DHCR7: variants seen among roughly 807,000 people sequenced by gnomAD.
DHCR7 encodes 7-DHC reductase.
DHCR7 carries 40 observed loss-of-function variants against 43.3 expected under a neutral mutation model. That is an observed-to-expected ratio of 0.92 (90% CI 0.72 to 1.20). DHCR7 has a LOEUF of 1.20. DHCR7 is among the 50% of genes most tolerant of loss of function. The pLI is 0.00. For synonymous variants in DHCR7, 298 were observed against 271.4 expected (o/e 1.10, Z -0.96); for missense variants, 608 against 644.6 (o/e 0.94, Z 0.62).
intron 8 of DHCR7, among the ~76,000 whole-genome samples, chr11:71,436,536 A>G (rs1429243359): frequency 6.6e-6 from 1 of 152,068 alleles, no homozygotes; most frequent in East Asian, 1.9e-4. Context: ...GGTGGCATGC[A>G]CCTGTAATCC....
intron 7 of DHCR7, among the ~76,000 whole-genome samples, chr11:71,438,298 C>T (rs1176829702): frequency 6.6e-6 from 1 of 152,210 alleles, no homozygotes; most frequent in East Asian, 1.9e-4. Context: ...GCCTCCCTCA[C>T]CCTCTCGGGT....
At chr11:71,428,874 C>G (rs754946290) in intron 2 of DHCR7, 5 of 456,134 alleles carry the variant, frequency 1.1e-5, no homozygotes, top group African/African-American at 1.0e-4. Flanking sequence ...GTCAAGAATT[C>G]TTTCTCAAGA....
chr11:71,444,820 T>C (rs1409092111), intron 3 of DHCR7, 35 bp downstream of exon 3: 2 of 1,582,632 alleles, frequency 1.3e-6, no homozygotes, highest in Non-Finnish European at 1.7e-6. Context: ...GACCACACTT[T>C]ACTTTCTAGC....
chr11:71,435,153 G>T lies in DHCR7; in HGVS notation c.*222C>A, dbSNP rs1183689879. On this transcript the variant is annotated 3_prime_UTR_variant, in exon 9 of 9. Coordinates refer to ENST00000355527, the MANE Select transcript of DHCR7 (RefSeq NM_001360.3). ...GACACTGATTAGAGAAAATCCGTCT[G>T]TGCTGGCAATACGGCAGTGCTGGAC... 1.4e-6 allele frequency: 1 copy of T among 695,012 alleles called. No individual in the cohort carries two copies. Among genetic ancestry groups the T allele is most frequent in the Non-Finnish European group, 2.6e-6 (1 of 381,256 alleles). 43.1% of individuals were successfully genotyped at this position (695,012 alleles called of 1,614,324 possible).
chr11:71,435,916 G>A (rs529912535), intron 8 of DHCR7, 77 bp from the exon 9 acceptor site: 18 of 1,254,710 alleles, frequency 1.4e-5, no homozygotes, highest in Admixed American at 5.9e-5. Flanking sequence ...GGGGCCCAGC[G>A]GCCTGGGGTC....
At chr11:71,444,518 G>A (rs530718382) in intron 3 of DHCR7, among the ~76,000 whole-genome samples, 4 of 152,236 alleles carry the variant, frequency 2.6e-5, no homozygotes, top group South Asian at 4.2e-4. Flanking sequence ...GTTCCAGGTC[G>A]GAGAGGATAC....
chr11:71,433,200 T>C (rs1363090424), downstream of DHCR7, among the ~76,000 whole-genome samples: 1 of 152,232 alleles, frequency 6.6e-6, no homozygotes, highest in Non-Finnish European at 1.5e-5. Flanking sequence ...TTCCCAGGGA[T>C]CAGGCACTGT....
downstream of DHCR7, among the ~76,000 whole-genome samples, chr11:71,431,544 G>A (rs540415707): frequency 7.9e-5 from 12 of 152,252 alleles, no homozygotes; most frequent in East Asian, 2.3e-3. Flanking sequence ...TGGCACCAGT[G>A]CCTGCGTGGA....
At position 71,437,956 on chromosome 11, in the gene DHCR7, A is replaced by T. The variant is rs746276946; in HGVS notation, c.832-13T>A. On this transcript the variant is annotated splice_polypyrimidine_tract_variant and intron_variant, in intron 7 of 8. Transcript: ENST00000355527. ...TCACGTAGATGGCCTGCAAGACAGA[A>T]GCAGCCGCTGACCACCCCCGGCCCT... is the stretch of plus-strand genomic sequence containing the variant. 3 of 1,611,894 alleles carry T rather than the reference A, an allele frequency of 1.9e-6. No individual in the cohort carries two copies. The highest frequency in any genetic ancestry group is 1.7e-5 in the Admixed American group (1 of 60,028).
chr11:71,428,882 A>G (rs1471090032), intron 2 of DHCR7: 3 of 456,124 alleles, frequency 6.6e-6, no homozygotes, highest in African/African-American at 4.0e-5. Context: ...TTCTTTCTCA[A>G]GACAGAGTGG....
chr11:71,432,758 T>C (rs1173512311), downstream of DHCR7, among the ~76,000 whole-genome samples: 1 of 152,204 alleles, frequency 6.6e-6, no homozygotes. Flanking sequence ...GTTCTGTCAT[T>C]TGGGGTGAGT....
chr11:71,444,115 C>T lies in DHCR7; in HGVS notation c.199G>A (p.Ala67Thr), dbSNP rs143999854. The T allele has an allele frequency of 1.1e-3, 1,801 of 1,612,152 alleles. 2 individuals carry two copies. The highest frequency in any genetic ancestry group is 1.4e-3 in the Non-Finnish European group (1,641 of 1,179,276). The change falls in exon 4 of 9, where the codon GCC (alanine) becomes ACC (threonine). Residue 67 changes from alanine (A) to threonine (T), a missense_variant. Physicochemically the swap from Ala to Thr is moderately conservative, Grantham distance 58 (BLOSUM62 0). Transcript: ENST00000355527. ...ATGTCCACCACAGGGCCAGTCAGGGCGCAGCTGTACTGGTCACAAGCCATG... is the reference window on the plus strand; with the variant it reads ...ATGTCCACCACAGGGCCAGTCAGGGTGCAGCTGTACTGGTCACAAGCCATG... ...FIMACDQYSC[A>T]LTGPVVDIVT...
chr11:71,439,767 G>T (rs1012111697), intron 6 of DHCR7, among the ~76,000 whole-genome samples: 1 of 152,182 alleles, frequency 6.6e-6, no homozygotes, highest in Non-Finnish European at 1.5e-5. Context: ...GTTCCCTCAG[G>T]TAGGGTAAGT....
rs200157761 is a variant in DHCR7 at position 71,437,818 on chromosome 11, C to A, written c.957G>T (p.Thr319=). ...GCTCTGCCCACCTCCTCACCTGCAG[C>A]GTGTAAAGATAAGGCAGCCAGACAC... ...GDCVWLPYLY[T]LQGLYLVYHP... Residue 319 remains threonine (T), a synonymous_variant, in exon 8 of 9, where the codon ACG becomes ACT. Coordinates refer to ENST00000355527, the MANE Select transcript of DHCR7 (RefSeq NM_001360.3). 14 of 1,613,864 alleles carry A rather than the reference C, an allele frequency of 8.7e-6. No individual in the cohort carries two copies. In the South Asian group the frequency reaches 1.4e-4, roughly 16 times the overall value.
chr11:71,428,256 T>C (rs1237773499), exon 3 of DHCR7: 2 of 152,282 alleles, frequency 1.3e-5, no homozygotes, highest in Admixed American at 6.5e-5. Context: ...CTTGATCTTA[T>C]GATGAGAGAA....
In DHCR7 at chr11:71,444,227, G is replaced by A. The variant is rs751617769; in HGVS notation, c.99-12C>T. On this transcript the variant is annotated splice_polypyrimidine_tract_variant and intron_variant, in intron 3 of 8. Transcript: ENST00000355527. Reference sequence around the variant, plus strand: ...ACCAGTCCACCTCCCTGCGAGGACGGATGCAGGCAGTCACACTGGGGCCCA... The same window carrying A: ...ACCAGTCCACCTCCCTGCGAGGACGAATGCAGGCAGTCACACTGGGGCCCA... 4 of 1,565,078 alleles carry A rather than the reference G, an allele frequency of 2.6e-6. No homozygotes were observed. The East Asian group carries it at 9.5e-5, about 37-fold the overall frequency.
intron 7 of DHCR7, 70 bp from the exon 8 acceptor site, chr11:71,438,013 C>T (rs1342829537): frequency 8.2e-6 from 13 of 1,588,626 alleles, no homozygotes; most frequent in South Asian, 1.1e-5. Context: ...GGGGAAATCA[C>T]ACTCCACGCA....
chr11:71,431,472 C>T (rs1792272), downstream of DHCR7, among the ~76,000 whole-genome samples: 127,899 of 152,134 alleles, frequency 0.84, 55,095 homozygotes, highest in Non-Finnish European at 0.95. Context: ...GGGCTGACTC[C>T]TGCTCCTGAA....
In DHCR7 at chr11:71,435,799, G is replaced by C. The variant is rs77762671; in HGVS notation, c.1004C>G (p.Pro335Arg). The C allele has an allele frequency of 6.2e-7, 1 of 1,607,294 alleles. No homozygotes were observed. Among genetic ancestry groups the C allele is most frequent in the African/African-American group, 1.3e-5 (1 of 74,984 alleles). Residue 335 changes from proline (P) to arginine (R), a missense_variant, in exon 9 of 9, where the codon CCG becomes CGG. Pro to Arg is a moderately radical substitution (Grantham distance 103). Transcript: ENST00000355527. ...CAGCAGCAGGACGCCCACGGCGTGC[G>C]GGGTGGACAGCTGCACGGGGTGGTA... ...LVYHPVQLST[P>R]HAVGVLLLGL...
Sources: gnomAD v4.1 joint callset for allele counts (sites outside exome capture counted in the v4.1 genomes callset) on GRCh38, gnomAD v4.1.1 for gene constraint, MANE v1.5 for transcripts, NCBI Gene and HGNC (gene_info 2026-07-23, HGNC 2026-07-21) for gene names.